CCDC171: variants seen among roughly 807,000 people sequenced by gnomAD.
The protein encoded by CCDC171 is coiled-coil domain containing 171, also known as coiled-coil domain-containing protein 171.
Under a neutral mutation model 168.2 loss-of-function variants are expected in CCDC171, and 177 were observed. The observed-to-expected ratio is 1.05, with a 90% CI of 0.93 to 1.19. CCDC171 has a LOEUF of 1.19. Ranked by LOEUF, CCDC171 falls within the 50% of genes most tolerant of loss-of-function variation. The probability of loss-of-function intolerance (pLI) is 0.00; values close to 1 mark genes in which losing one functional copy is unlikely to be tolerated. For synonymous variants in CCDC171, 687 were observed against 540.8 expected (o/e 1.27, Z -3.75); for missense variants, 1,991 against 1,539.0 (o/e 1.29, Z -4.91).
rs1263241220 is a variant in CCDC171 at position 15,623,276 on chromosome 9, A to G, written c.685A>G (p.Thr229Ala). ...ATGAATTATTTTCCAGGAGCAAGAT[A>G]CTGCTGTGCAAAATATGCATAAGAA... ...ELQFIVQEQD[T>A]AVQNMHKKVE... Residue 229 changes from threonine to alanine, a missense_variant, in exon 7 of 26, where the codon ACT becomes GCT. Coordinates refer to ENST00000380701, the MANE Select transcript of CCDC171 (RefSeq NM_173550.4). 1 of 1,578,096 alleles carries G rather than the reference A, an allele frequency of 6.3e-7. No homozygotes were observed. Among genetic ancestry groups the G allele is most frequent in the East Asian group, 2.3e-5 (1 of 44,036 alleles).
intron 23 of CCDC171, among the ~76,000 whole-genome samples, chr9:15,873,225 A>G (rs1199538220): frequency 2.0e-5 from 3 of 152,070 alleles, no homozygotes; most frequent in East Asian, 1.9e-4. Flanking sequence ...AACTCAATAG[A>G]GTTTGTTTTG....
chr9:15,680,288 A>G (rs1475552259), intron 10 of CCDC171, among the ~76,000 whole-genome samples: 1 of 152,146 alleles, frequency 6.6e-6, no homozygotes, highest in Non-Finnish European at 1.5e-5. Context: ...GGAGGGTGTA[A>G]AGTTTATGGT....
chr9:15,748,417 G>C (rs975061578), intron 18 of CCDC171, among the ~76,000 whole-genome samples: 1 of 152,134 alleles, frequency 6.6e-6, no homozygotes, highest in Non-Finnish European at 1.5e-5. Flanking sequence ...TTATCGAGGA[G>C]AACTTCCCAA....
chr9:16,006,129 T>A (rs979225468), intron 3 of CCDC171, among the ~76,000 whole-genome samples: 1 of 152,140 alleles, frequency 6.6e-6, no homozygotes, highest in Admixed American at 6.6e-5. Flanking sequence ...TCCAAAGTTC[T>A]GAGATTACAG....
rs115519533 is a variant in CCDC171 at position 15,916,663 on chromosome 9, G to T, written c.3601-3607G>T. 5.4e-3 allele frequency among the ~76,000 whole-genome samples: 819 copies of T among 151,912 alleles called. 6 individuals are homozygous for T. The highest frequency in any genetic ancestry group is 0.019 in the African/African-American group (802 of 41,462). On this transcript the variant is annotated intron_variant, in intron 24 of 25. Transcript: ENST00000380701. Reference sequence around the variant, plus strand: ...TATGTACATAACAAATTATATAAATGGTCTTCTAGTCTTCAAGTGACATGC... The same window carrying T: ...TATGTACATAACAAATTATATAAATTGTCTTCTAGTCTTCAAGTGACATGC...
At chr9:15,962,259 G>A (rs1830418177) in intron 25 of CCDC171, among the ~76,000 whole-genome samples, 1 of 152,092 alleles carries the variant, frequency 6.6e-6, no homozygotes. Flanking sequence ...CCAAGCATTT[G>A]TCCATGTTAT....
chr9:15,590,341 A>T (rs2041886101), intron 4 of CCDC171, among the ~76,000 whole-genome samples: 1 of 152,168 alleles, frequency 6.6e-6, no homozygotes, highest in South Asian at 2.1e-4. Context: ...ATCTTTTAAC[A>T]TGTGTTTTTA....
chr9:16,050,990 C>T (rs1833741731), intron 1 of CCDC171, among the ~76,000 whole-genome samples: 1 of 152,178 alleles, frequency 6.6e-6, no homozygotes, highest in Non-Finnish European at 1.5e-5. Flanking sequence ...AACTTTTATA[C>T]TCATGACTGT....
At chr9:15,649,443 C>T (rs1008683048) in intron 7 of CCDC171, among the ~76,000 whole-genome samples, 1 of 152,102 alleles carries the variant, frequency 6.6e-6, no homozygotes, top group African/African-American at 2.4e-5. Flanking sequence ...AAAGAAGCTA[C>T]CATCAGAGCG....
In CCDC171 at chr9:15,668,824, T is replaced by A. The variant is rs192236627; in HGVS notation, c.1076+2501T>A. 3.6e-3 allele frequency among the ~76,000 whole-genome samples: 555 copies of A among 152,274 alleles called. 1 individual carries two copies. The highest frequency in any genetic ancestry group is 0.011 in the African/African-American group (456 of 41,564). On this transcript the variant is annotated intron_variant, in intron 9 of 25. Transcript: ENST00000380701. ...TTTTTAAAGATGATTCTGAATTTTT[T>A]AAATATTTTTTAAAGAAGATTCTGA...
chr9:15,662,964 A>G (rs2048433198), intron 8 of CCDC171, among the ~76,000 whole-genome samples: 1 of 149,186 alleles, frequency 6.7e-6, no homozygotes, highest in African/African-American at 2.5e-5. Flanking sequence ...CTGGGGGACA[A>G]CGCGAGACTT....
chr9:15,667,783 C>G (rs1039182673), intron 9 of CCDC171, among the ~76,000 whole-genome samples: 4 of 152,162 alleles, frequency 2.6e-5, no homozygotes, highest in Non-Finnish European at 5.9e-5. Context: ...ATTAAAAACT[C>G]TTAAACTGTT....
At chr9:15,574,807 G>C (rs974030751) in intron 3 of CCDC171, among the ~76,000 whole-genome samples, 1 of 152,122 alleles carries the variant, frequency 6.6e-6, no homozygotes, top group African/African-American at 2.4e-5. Flanking sequence ...TATTGTTGGA[G>C]GATCTTGGGC....
the CCDC171 span, among the ~76,000 whole-genome samples, chr9:16,100,415 G>T: frequency 2.0e-5 from 3 of 152,098 alleles, no homozygotes; most frequent in African/African-American, 4.8e-5. Flanking sequence ...GATAAAGGGT[G>T]GGGGGTCTGG....
chr9:15,758,234 G>T (rs181555062), intron 18 of CCDC171, among the ~76,000 whole-genome samples: 5 of 152,308 alleles, frequency 3.3e-5, no homozygotes, highest in Admixed American at 2.6e-4. Flanking sequence ...GGGTGGAGCT[G>T]CCCAAGACCA....
chr9:15,891,741 CCTGTT>C, intron 24 of CCDC171, among the ~76,000 whole-genome samples: 1 of 152,236 alleles, frequency 6.6e-6, no homozygotes, highest in Admixed American at 6.5e-5. Context: ...GTATGGAACT[CCTGTT>C]CTTTATTTAA....
chr9:16,083,274 T>C, the CCDC171 span, among the ~76,000 whole-genome samples: 4 of 152,178 alleles, frequency 2.6e-5, no homozygotes, highest in Middle Eastern at 3.2e-3. Flanking sequence ...TACACTGTTA[T>C]CCCTGCCTTA....
At chr9:15,739,247 G>C (rs2054690667) in intron 16 of CCDC171, among the ~76,000 whole-genome samples, 1 of 152,176 alleles carries the variant, frequency 6.6e-6, no homozygotes, top group Admixed American at 6.5e-5. Context: ...GGAGATCGAA[G>C]GCAAAGGAGC....
intron 9 of CCDC171, among the ~76,000 whole-genome samples, chr9:15,675,187 G>T (rs1419236758): frequency 2.0e-3 from 151 of 75,498 alleles, no homozygotes; most frequent in Middle Eastern, 0.014. Context: ...TGCAACTCCT[G>T]TTTTTTTTTT....
Sources: allele counts gnomAD v4.1 joint callset (sites outside exome capture counted in the v4.1 genomes callset), GRCh38; gene constraint gnomAD v4.1.1; transcripts MANE v1.5; gene names NCBI Gene and HGNC (gene_info 2026-07-23, HGNC 2026-07-21).